Variants in DCUN1D2 observed in about 807,000 individuals in gnomAD.
DCUN1D2 encodes DCN1-like protein 2.
A neutral mutation model predicts 30.9 loss-of-function variants in DCUN1D2; 29 were observed. The ratio of observed to expected loss-of-function variants is 0.94; its 90% CI spans 0.70 to 1.28. The LOEUF (loss-of-function observed/expected upper bound fraction) is 1.28. Among genes scored for constraint, DCUN1D2 ranks in the 50% most tolerant of loss-of-function variants. DCUN1D2 has a pLI of 0.00. For synonymous variants in DCUN1D2, 121 were observed against 115.3 expected (o/e 1.05, Z -0.32); for missense variants, 325 against 316.9 (o/e 1.03, Z -0.19).
chr13:113,490,659 C>A lies in DCUN1D2; in HGVS notation c.3+8G>T. On this transcript the variant is annotated splice_region_variant and intron_variant, in intron 1 of 6. Coordinates refer to ENST00000478244, the MANE Select transcript of DCUN1D2 (RefSeq NM_001014283.2). This position sits in a 1 kb window ranked among gnomAD's most constrained non-coding sequence, Gnocchi z 5.2. Reference sequence around the variant, plus strand: ...CCCGACGGGCAGAGGCGACGCCGGGCCACCTACCATCTCCCCCGCGCCGCC... The same window carrying A: ...CCCGACGGGCAGAGGCGACGCCGGGACACCTACCATCTCCCCCGCGCCGCC... The A allele has an allele frequency of 1.6e-6, 2 of 1,249,094 alleles. No homozygotes were observed. The highest frequency in any genetic ancestry group is 2.0e-6 in the Non-Finnish European group (2 of 996,220). 77.4% of individuals were successfully genotyped at this position (1,249,094 alleles called of 1,614,324 possible). A position where few individuals can be genotyped will look rare whatever the true frequency, so the allele number is the denominator to read the frequency against.
chr13:113,484,539 CAA>C (rs1295250467), intron 1 of DCUN1D2, among the ~76,000 whole-genome samples: 1 of 151,978 alleles, frequency 6.6e-6, no homozygotes, highest in Non-Finnish European at 1.5e-5. Flanking sequence ...AAAATGTACA[CAA>C]ATAACTAAGA....
chr13:113,466,953 C>T (rs1006584774), intron 4 of DCUN1D2, among the ~76,000 whole-genome samples: 1 of 151,952 alleles, frequency 6.6e-6, no homozygotes, highest in Non-Finnish European at 1.5e-5. Context: ...ACTACAGGCG[C>T]CCGCCACCAC....
At chr13:113,489,734 C>A (rs1306225205) in intron 1 of DCUN1D2, among the ~76,000 whole-genome samples, 1 of 152,062 alleles carries the variant, frequency 6.6e-6, no homozygotes, top group African/African-American at 2.4e-5. Flanking sequence ...TGCCTGGAGC[C>A]GCACACGGCT....
rs1173551193 is a variant in DCUN1D2, at chr13:113,488,179, G to T, written c.3+2488C>A. Reference sequence around the variant, plus strand: ...CTACTGTTAGCTAGAGTGGACAGAAGTCGGTATCCAGAAACACGAAGAGCC... The same window carrying T: ...CTACTGTTAGCTAGAGTGGACAGAATTCGGTATCCAGAAACACGAAGAGCC... On this transcript the variant is annotated intron_variant, in intron 1 of 6. Transcript: ENST00000478244. This position sits in a 1 kb window ranked among gnomAD's most constrained non-coding sequence, Gnocchi z 4.3. Among the ~76,000 whole-genome samples, 1 of 152,228 alleles carries T rather than the reference G, an allele frequency of 6.6e-6. No individual in the cohort carries two copies. Among genetic ancestry groups the T allele is most frequent in the Non-Finnish European group, 1.5e-5 (1 of 68,032 alleles).
intron 2 of DCUN1D2, among the ~76,000 whole-genome samples, chr13:113,481,755 A>ATG (rs1566505195): frequency 1.3e-5 from 2 of 151,780 alleles, no homozygotes; most frequent in Non-Finnish European, 2.9e-5. Flanking sequence ...GGGGTGGCTC[A>ATG]CGCCTATAGT....
upstream of DCUN1D2, chr13:113,490,919 C>T (rs986626804): frequency 4.3e-6 from 1 of 230,132 alleles, no homozygotes; most frequent in Non-Finnish European, 8.2e-6. This position sits in a 1 kb window ranked among gnomAD's most constrained non-coding sequence, Gnocchi z 5.2. Context: ...CGCCAGCCTG[C>T]GGCTGCCAGG....
intron 5 of DCUN1D2, among the ~76,000 whole-genome samples, chr13:113,459,727 G>A (rs973467383): frequency 6.6e-6 from 1 of 152,004 alleles, no homozygotes; most frequent in Admixed American, 6.6e-5. Flanking sequence ...ATATATTCAC[G>A]AACAGCTCAT....
chr13:113,483,837 T>A lies in DCUN1D2; in HGVS notation c.220+3A>T. The A allele has an allele frequency of 6.2e-7, 1 of 1,611,972 alleles. No homozygotes were observed. Among genetic ancestry groups the A allele is most frequent in the Non-Finnish European group, 8.5e-7 (1 of 1,179,906 alleles). ...GTCCGGCTTTGCTGCAGTCTCCTCT[T>A]ACCTTTGTACCTGCCGTACAGCCGC... On this transcript the variant is annotated splice_donor_region_variant and intron_variant, in intron 2 of 6. Coordinates refer to ENST00000478244, the MANE Select transcript of DCUN1D2 (RefSeq NM_001014283.2).
intron 4 of DCUN1D2, chr13:113,462,892 C>A: frequency 8.0e-7 from 1 of 1,247,938 alleles, no homozygotes; most frequent in Admixed American, 2.7e-5. Flanking sequence ...GGAGGTGAAC[C>A]TGGGGAGGAA....
Position 113,461,043 on chromosome 13 carries a change from A to G in DCUN1D2, c.603+11T>C. On this transcript the variant is annotated intron_variant, in intron 5 of 6. Transcript: ENST00000478244. Reference sequence around the variant, plus strand: ...CAGTGGGCACACAGCGAGATGCAGGAGGACACTTACCATTAAGAATGTGTT... The same window carrying G: ...CAGTGGGCACACAGCGAGATGCAGGGGGACACTTACCATTAAGAATGTGTT... The G allele has an allele frequency of 6.3e-7, 1 of 1,579,104 alleles. No homozygotes were observed. Among genetic ancestry groups the G allele is most frequent in the Non-Finnish European group, 8.7e-7 (1 of 1,150,736 alleles).
At chr13:113,480,993 A>G (rs1323935102) in intron 2 of DCUN1D2, among the ~76,000 whole-genome samples, 1 of 151,892 alleles carries the variant, frequency 6.6e-6, no homozygotes, top group Non-Finnish European at 1.5e-5. Context: ...AAATCACTGA[A>G]TTTTTTTTGA....
chr13:113,459,582 C>T (rs2044285410), intron 5 of DCUN1D2, 174 bp from the exon 6 acceptor site: 6 of 449,408 alleles, frequency 1.3e-5, no homozygotes, highest in South Asian at 4.8e-5. Context: ...GCTACAACAA[C>T]GCTAATGTCC....
upstream of DCUN1D2, chr13:113,490,756 C>T: frequency 8.8e-7 from 1 of 1,136,152 alleles, no homozygotes; most frequent in Non-Finnish European, 1.1e-6. The surrounding 1 kb of genome is among the most constrained non-coding windows in gnomAD (Gnocchi z 5.2). Flanking sequence ...ACGGCCGCGG[C>T]CCTCGGCTCC....
intron 4 of DCUN1D2, among the ~76,000 whole-genome samples, chr13:113,467,461 A>C (rs2044424896): frequency 6.6e-6 from 1 of 151,968 alleles, no homozygotes; most frequent in East Asian, 1.9e-4. Context: ...TATTGTTTTC[A>C]GAGTGCCTAT....
At chr13:113,471,139 G>C (rs2044505087) in intron 4 of DCUN1D2, among the ~76,000 whole-genome samples, 1 of 149,332 alleles carries the variant, frequency 6.7e-6, no homozygotes, top group African/African-American at 2.5e-5. Context: ...CAACTCCACA[G>C]AAGACCCAAC....
At chr13:113,472,896 C>G (rs556074276) in intron 4 of DCUN1D2, among the ~76,000 whole-genome samples, 18 of 152,298 alleles carry the variant, frequency 1.2e-4, no homozygotes, top group Admixed American at 5.9e-4. Flanking sequence ...GGGGCCGAGA[C>G]GCGTCTCAGC....
At chr13:113,469,884 C>A in intron 4 of DCUN1D2, among the ~76,000 whole-genome samples, 1 of 151,786 alleles carries the variant, frequency 6.6e-6, no homozygotes, top group East Asian at 1.9e-4. Context: ...TCATTGACTT[C>A]AAAATAGGCT....
In DCUN1D2 at chr13:113,458,889, A is replaced by T. The variant is rs568874244; in HGVS notation, c.700+423T>A. Reference sequence around the variant, plus strand: ...CACAGCAGGCTCCAAAGGCCCTCCAACGCAGAGTCCTAAACACGGGGGGAG... The same window carrying T: ...CACAGCAGGCTCCAAAGGCCCTCCATCGCAGAGTCCTAAACACGGGGGGAG... On this transcript the variant is annotated intron_variant, in intron 6 of 6. Transcript: ENST00000478244. 1.2e-3 allele frequency among the ~76,000 whole-genome samples: 188 copies of T among 152,322 alleles called. 1 individual carries two copies. The highest frequency in any genetic ancestry group is 4.4e-3 in the African/African-American group (184 of 41,572).
At chr13:113,481,809 A>AGGAGGT (rs2044714840) in intron 2 of DCUN1D2, among the ~76,000 whole-genome samples, 1 of 150,924 alleles carries the variant, frequency 6.6e-6, no homozygotes, top group East Asian at 1.9e-4. Flanking sequence ...GCTTGAACCC[A>AGGAGGT]GGAGGTGGAG....
Sources: gnomAD v4.1 joint callset for allele counts (sites outside exome capture counted in the v4.1 genomes callset) on GRCh38, gnomAD v4.1.1 for gene constraint, Gnocchi (gnomAD v3.1) non-coding constraint, MANE v1.5 for transcripts, NCBI Gene and HGNC (gene_info 2026-07-23, HGNC 2026-07-21) for gene names.